Variants in WAPL observed in about 807,000 individuals in gnomAD.
The protein encoded by WAPL is wings apart-like protein homolog.
A neutral mutation model predicts 121.0 loss-of-function variants in WAPL; 5 were observed. That is an observed-to-expected ratio of 0.04 (90% CI 0.02 to 0.09). The LOEUF is 0.09. Among genes scored for constraint, WAPL ranks in the 10% least tolerant of loss-of-function variants. WAPL has a pLI of 1.00. For missense variants in WAPL, 999 were observed against 1,410.8 expected (o/e 0.71, Z 4.68); for synonymous variants, 480 against 481.5 (o/e 1.00, Z 0.04).
intron 8 of WAPL, among the ~76,000 whole-genome samples, chr10:86,470,722 G>A (rs1426044507): frequency 6.6e-6 from 1 of 152,086 alleles, no homozygotes; most frequent in Non-Finnish European, 1.5e-5. Flanking sequence ...ACAAAATTCT[G>A]TATCAATATA....
At position 86,521,657 on chromosome 10, in the gene WAPL, C is replaced by T. The variant is rs1229926230; in HGVS notation, c.-315G>A. 3.2e-5 allele frequency: 15 copies of T among 461,572 alleles called. No individual in the cohort carries two copies. Among genetic ancestry groups the T allele is most frequent in the Admixed American group, 7.2e-5 (3 of 41,878 alleles). 28.6% of individuals were successfully genotyped at this position (461,572 alleles called of 1,614,324 possible). ...AGCCTGCTGTGTGCCCCCGCTGGGCCGCCGCCGCCTCCTGCGCCGCCGCTT... is the reference window on the plus strand; with the variant it reads ...AGCCTGCTGTGTGCCCCCGCTGGGCTGCCGCCGCCTCCTGCGCCGCCGCTT... On this transcript the variant is annotated 5_prime_UTR_variant, in exon 1 of 19. Coordinates refer to ENST00000298767, the MANE Select transcript of WAPL (RefSeq NM_015045.5).
At chr10:86,495,018 A>G (rs1842123338) in intron 4 of WAPL, among the ~76,000 whole-genome samples, 1 of 152,202 alleles carries the variant, frequency 6.6e-6, no homozygotes, top group Admixed American at 6.5e-5. Context: ...TCTTCAGGTA[A>G]AATAGGAAAA....
chr10:86,445,325 T>C (rs766111429), intron 16 of WAPL, among the ~76,000 whole-genome samples: 4 of 152,218 alleles, frequency 2.6e-5, no homozygotes, highest in Non-Finnish European at 5.9e-5. Context: ...TCAAATATTT[T>C]TGATTTGTGG....
chr10:86,469,906 T>G (rs1162794150), intron 8 of WAPL, among the ~76,000 whole-genome samples: 1 of 152,186 alleles, frequency 6.6e-6, no homozygotes, highest in Non-Finnish European at 1.5e-5. Flanking sequence ...TTTGTTTGTT[T>G]TTAAGAGATG....
intron 4 of WAPL, among the ~76,000 whole-genome samples, chr10:86,486,849 T>C (rs1353960911): frequency 6.6e-6 from 1 of 151,918 alleles, no homozygotes; most frequent in Non-Finnish European, 1.5e-5. Flanking sequence ...CCAGCTACCC[T>C]AGAGGCTGAA....
chr10:86,444,892 CAAAAAAA>C (rs35307250), intron 16 of WAPL, among the ~76,000 whole-genome samples: 4 of 68,192 alleles, frequency 5.9e-5, no homozygotes, highest in Non-Finnish European at 8.4e-5. Flanking sequence ...GTTATTACGC[CAAAAAAA>C]AAAAAAAAAA....
chr10:86,497,408 G>GA, intron 3 of WAPL, 89 bp from the exon 4 acceptor site: 1 of 931,714 alleles, frequency 1.1e-6, no homozygotes, highest in Non-Finnish European at 1.7e-6. Context: ...ATGAATGAAT[G>GA]AAAATGGGAA....
At chr10:86,471,364 A>G (rs983596668) in intron 7 of WAPL, among the ~76,000 whole-genome samples, 11 of 152,230 alleles carry the variant, frequency 7.2e-5, no homozygotes, top group African/African-American at 2.7e-4. Context: ...ACCACCATTA[A>G]AAGCTTAAAA....
chr10:86,516,459 T>C (rs1297196982), intron 2 of WAPL, among the ~76,000 whole-genome samples: 1 of 152,248 alleles, frequency 6.6e-6, no homozygotes, highest in Non-Finnish European at 1.5e-5. Flanking sequence ...GTTTTGTCTG[T>C]GTTTACTTCC....
rs540247024 is a variant in WAPL, at chr10:86,508,818, G to A, written c.500-8075C>T. 6.5e-5 allele frequency among the ~76,000 whole-genome samples: 9 copies of A among 137,562 alleles called. No homozygotes were observed. The South Asian group carries it at 1.9e-3, about 29-fold the overall frequency. 90.2% of individuals were successfully genotyped at this position (137,562 alleles called of 152,430 possible). A position where few individuals can be genotyped will look rare whatever the true frequency, so the allele number is the denominator to read the frequency against. ...CACCCAGGCTGGAGTGCAGTGGCGC[G>A]ATCTCGGCTCACTGCAAGCTCCGCC... is the stretch of plus-strand genomic sequence containing the variant. On this transcript the variant is annotated intron_variant, in intron 2 of 18. Coordinates refer to ENST00000298767, the MANE Select transcript of WAPL (RefSeq NM_015045.5).
Position 86,443,349 on chromosome 10 carries a change from C to A in WAPL, c.3337G>T (p.Gly1113Cys). The change falls in exon 17 of 19, where the codon GGC (glycine) becomes TGC (cysteine). Residue 1113 changes from glycine to cysteine, a missense_variant. Gly to Cys is a radical substitution (Grantham distance 159). This residue lies in a region of WAPL where 126 missense variants were observed against 144.0 expected (regional missense o/e 0.87). Transcript: ENST00000298767. The part of the protein sequence containing the change: ...LDLNKALQHA[G>C]KHMEDCIVAS... ...ACAATGCAATCCTCCATGTGTTTGC[C>A]GGCATGCTGAAGGGCTGAGAGAATT... The A allele has an allele frequency of 6.2e-7, 1 of 1,613,834 alleles. No homozygotes were observed. The highest frequency in any genetic ancestry group is 8.5e-7 in the Non-Finnish European group (1 of 1,179,930).
chr10:86,440,702 T>TAAAG (rs1849447039), intron 17 of WAPL, among the ~76,000 whole-genome samples: 2 of 152,190 alleles, frequency 1.3e-5, no homozygotes, highest in Admixed American at 1.3e-4. Flanking sequence ...AAAAGGGATA[T>TAAAG]AAAGATCTTG....
chr10:86,498,443 CTGTGTA>C lies in WAPL; in HGVS notation c.1526-1130_1526-1125del, dbSNP rs1842189603. Among the ~76,000 whole-genome samples the C allele has an allele frequency of 2.6e-5, 4 of 152,066 alleles. No individual in the cohort carries two copies. The South Asian group carries it at 6.2e-4, about 24-fold the overall frequency. Reference sequence around the variant, plus strand: ...CAGGGGTGAGCCCCTAGGGGTACTCCTGTGTATGTCTAGTTTTGAAGAATAAATTAA... The same window carrying C: ...CAGGGGTGAGCCCCTAGGGGTACTCCTGTCTAGTTTTGAAGAATAAATTAA... On this transcript the variant is annotated intron_variant, in intron 3 of 18. Transcript: ENST00000298767.
At position 86,448,787 on chromosome 10, in the gene WAPL, T is replaced by A. The variant is rs989002502; in HGVS notation, c.3115-2338A>T. ...ATGCCACCACACCTGGCTAATTTTT[T>A]AATTTTTAGTAGAAACATAATTTTG... On this transcript the variant is annotated intron_variant, in intron 15 of 18. Coordinates refer to ENST00000298767, the MANE Select transcript of WAPL (RefSeq NM_015045.5). 4.1e-4 allele frequency among the ~76,000 whole-genome samples: 63 copies of A among 152,148 alleles called. 1 individual carries two copies. The highest frequency in any genetic ancestry group is 4.1e-3 in the Admixed American group (63 of 15,288).
At position 86,497,266 on chromosome 10, in the gene WAPL, G is replaced by A; in HGVS notation, c.1579C>T (p.Pro527Ser). The change falls in exon 4 of 19, where the codon CCC becomes TCC. Residue 527 changes from proline (P) to serine (S), a missense_variant. Pro to Ser is a moderately conservative substitution (Grantham distance 74). Coordinates refer to ENST00000298767, the MANE Select transcript of WAPL (RefSeq NM_015045.5). ...GATTTATCTCCTTGTTTATTTATGG[G>A]CTTCTTCACACTTTCAGGCACACCA... is the stretch of plus-strand genomic sequence containing the variant. ...LPGVPESVKK[P>S]INKQGDKSKE... 6.2e-7 allele frequency: 1 copy of A among 1,612,944 alleles called. No individual in the cohort carries two copies. Among genetic ancestry groups the A allele is most frequent in the Non-Finnish European group, 8.5e-7 (1 of 1,179,718 alleles).
At chr10:86,518,357 C>T (rs1842600838) in intron 1 of WAPL, among the ~76,000 whole-genome samples, 1 of 152,188 alleles carries the variant, frequency 6.6e-6, no homozygotes, top group Non-Finnish European at 1.5e-5. Context: ...ACTTATAATA[C>T]GATATCCATA....
Position 86,466,899 on chromosome 10 carries a change from C to T in WAPL, c.2370+380G>A, listed in dbSNP as rs868705751. On this transcript the variant is annotated intron_variant, in intron 9 of 18. Coordinates refer to ENST00000298767, the MANE Select transcript of WAPL (RefSeq NM_015045.5). ...TATTTTCTGCAGAGCTGGGGTTTCA[C>T]CATGTCACCCAAGACGGACCCAAAC... is the stretch of plus-strand genomic sequence containing the variant. Among the ~76,000 whole-genome samples, 22 of 152,204 alleles carry T rather than the reference C, an allele frequency of 1.4e-4. 2 individuals are homozygous for T. The South Asian group carries it at 2.1e-3, about 14-fold the overall frequency.
At chr10:86,518,608 T>C (rs1009546002) in intron 1 of WAPL, among the ~76,000 whole-genome samples, 4 of 152,172 alleles carry the variant, frequency 2.6e-5, no homozygotes, top group African/African-American at 7.2e-5. Context: ...CTTGAGAAGC[T>C]GGAGCAGAAG....
At chr10:86,474,455 A>T (rs769772570) in intron 4 of WAPL, among the ~76,000 whole-genome samples, 11 of 150,386 alleles carry the variant, frequency 7.3e-5, no homozygotes, top group Non-Finnish European at 1.6e-4. Flanking sequence ...CAGAGGTTGC[A>T]GTGAGCTAAG....
Sources: gnomAD v4.1 joint callset for allele counts (sites outside exome capture counted in the v4.1 genomes callset) on GRCh38, gnomAD v4.1.1 for gene constraint, gnomAD v4.1.1 regional missense constraint, MANE v1.5 for transcripts, NCBI Gene and HGNC (gene_info 2026-07-23, HGNC 2026-07-21) for gene names.